KIF5B: variants seen among roughly 807,000 people sequenced by gnomAD.
The protein encoded by KIF5B is kinesin family member 5B, also known as kinesin-1 heavy chain.
A neutral mutation model predicts 132.8 loss-of-function variants in KIF5B; 49 were observed. That is an observed-to-expected ratio of 0.37 (90% CI 0.29 to 0.47). The LOEUF (loss-of-function observed/expected upper bound fraction) is 0.47, where lower values mean the gene tolerates loss of function less well. Among genes scored for constraint, KIF5B ranks in the 20% least tolerant of loss-of-function variants. The pLI is 1.00. For synonymous variants in KIF5B, 355 were observed against 369.4 expected (o/e 0.96, Z 0.45); for missense variants, 780 against 1,144.0 (o/e 0.68, Z 4.59).
chr10:32,053,893 G>A (rs1011989498), intron 1 of KIF5B, among the ~76,000 whole-genome samples: 1 of 151,986 alleles, frequency 6.6e-6, no homozygotes, highest in African/African-American at 2.4e-5. Flanking sequence ...ATTTTGAAAC[G>A]GAACTTATAA....
At chr10:32,042,983 G>A (rs933750218) in intron 2 of KIF5B, among the ~76,000 whole-genome samples, 22 of 152,006 alleles carry the variant, frequency 1.4e-4, no homozygotes, top group Non-Finnish European at 2.9e-4. Flanking sequence ...CCCCGTGCAC[G>A]GTACTATTAG....
intron 1 of KIF5B, among the ~76,000 whole-genome samples, chr10:32,049,796 T>C (rs1841665020): frequency 6.6e-6 from 1 of 151,808 alleles, no homozygotes; most frequent in Non-Finnish European, 1.5e-5. Flanking sequence ...GAGGGAGTGA[T>C]TATGTCAAAT....
At chr10:32,021,897 A>T (rs2132586123) in intron 17 of KIF5B, among the ~76,000 whole-genome samples, 1 of 152,250 alleles carries the variant, frequency 6.6e-6, no homozygotes, top group Middle Eastern at 3.4e-3. Flanking sequence ...ACTGGAACCC[A>T]GGAGGTGGAG....
intron 2 of KIF5B, among the ~76,000 whole-genome samples, chr10:32,046,203 T>C (rs932221638): frequency 6.6e-6 from 1 of 152,172 alleles, no homozygotes; most frequent in Non-Finnish European, 1.5e-5. Context: ...TATATTCAAA[T>C]TGCCCATGAA....
chr10:32,034,102 C>T, intron 11 of KIF5B, 64 bp from the exon 12 acceptor site: 1 of 1,076,296 alleles, frequency 9.3e-7, no homozygotes. Flanking sequence ...CAATTTCATT[C>T]CTTTAAAAAT....
rs1292321420 is a variant in KIF5B, at chr10:32,037,516, T to C, written c.586+4A>G. ...AATCCTAACCAGTGTTATTTTCTAC[T>C]TACTTGTAACTGCTACATGTCTGTT... On this transcript the variant is annotated splice_donor_region_variant and intron_variant, in intron 7 of 25. Transcript: ENST00000302418. 1 of 1,607,350 alleles carries C rather than the reference T, an allele frequency of 6.2e-7. No individual in the cohort carries two copies. The highest frequency in any genetic ancestry group is 8.5e-7 in the Non-Finnish European group (1 of 1,173,806).
In KIF5B at chr10:32,032,764, A is replaced by C. The variant is rs1272655332; in HGVS notation, c.1316T>G (p.Ile439Ser). 6.2e-7 allele frequency: 1 copy of C among 1,613,808 alleles called. No homozygotes were observed. The highest frequency in any genetic ancestry group is 1.3e-5 in the African/African-American group (1 of 75,042). ...CTCTACCAGTTGACTTTGCTGGTTAATTTCTTCATCCTAGAATTGTGAAGT... is the reference window on the plus strand; with the variant it reads ...CTCTACCAGTTGACTTTGCTGGTTACTTTCTTCATCCTAGAATTGTGAAGT... ...YKQLDDKDEE[I>S]NQQSQLVEKL... Residue 439 changes from isoleucine to serine, a missense_variant, in exon 13 of 26, where the codon ATT becomes AGT. Physicochemically the swap from Ile to Ser is moderately radical, Grantham distance 142. Around this residue, in one of 9 missense-constraint regions of KIF5B, gnomAD observed 471 missense variants for 569.9 expected, o/e 0.83. Coordinates refer to ENST00000302418, the MANE Select transcript of KIF5B (RefSeq NM_004521.3).
chr10:32,055,302 A>C (rs562688300), intron 1 of KIF5B, among the ~76,000 whole-genome samples: 84 of 152,270 alleles, frequency 5.5e-4, no homozygotes, highest in African/African-American at 1.9e-3. Context: ...GGTATAGATA[A>C]TATTTGTACC....
In KIF5B at chr10:32,010,555, G is replaced by C. The variant is rs1169323611; in HGVS notation, c.*982C>G. On this transcript the variant is annotated 3_prime_UTR_variant, in exon 26 of 26. Transcript: ENST00000302418. Reference sequence around the variant, plus strand: ...TCTTCATTTTTCTCAATTTCCACACGCTATAAATTTAGGTCGGCCAATAAA... The same window carrying C: ...TCTTCATTTTTCTCAATTTCCACACCCTATAAATTTAGGTCGGCCAATAAA... 1.2e-4 allele frequency: 18 copies of C among 151,868 alleles called. No homozygotes were observed. The highest frequency in any genetic ancestry group is 1.2e-3 in the Admixed American group (18 of 15,248). 9.4% of individuals were successfully genotyped at this position (151,868 alleles called of 1,614,324 possible).
chr10:32,049,818 G>A (rs1841665398), intron 1 of KIF5B, among the ~76,000 whole-genome samples: 1 of 152,076 alleles, frequency 6.6e-6, no homozygotes, highest in Non-Finnish European at 1.5e-5. Context: ...CAGTTGTGAG[G>A]CCAAGACAAA....
chr10:32,027,039 T>TGTTC (rs1841342913), intron 15 of KIF5B, among the ~76,000 whole-genome samples: 1 of 152,008 alleles, frequency 6.6e-6, no homozygotes, highest in African/African-American at 2.4e-5. Flanking sequence ...TTTAAAAATA[T>TGTTC]TTTTTCTTCA....
intron 2 of KIF5B, among the ~76,000 whole-genome samples, chr10:32,045,842 AG>A (rs1239285800): frequency 6.6e-6 from 1 of 152,216 alleles, no homozygotes; most frequent in Non-Finnish European, 1.5e-5. Context: ...ACTAAGGACT[AG>A]CCAATCGTAT....
Position 32,035,849 on chromosome 10 carries a change from C to T in KIF5B, c.816+41G>A, listed in dbSNP as rs377199686. On this transcript the variant is annotated intron_variant, in intron 9 of 25. Coordinates refer to ENST00000302418, the MANE Select transcript of KIF5B (RefSeq NM_004521.3). ...CATATACACCTATATTTAAATAATG[C>T]CCCATAAGGTAACAGGGAGATAGAA... 5 of 1,473,582 alleles carry T rather than the reference C, an allele frequency of 3.4e-6. No individual in the cohort carries two copies. In the South Asian group the frequency reaches 4.8e-5, roughly 14 times the overall value. The allele number at this position is 1,473,582 out of a possible 1,614,324, so 91.3% of individuals were successfully genotyped here.
chr10:32,045,981 A>G (rs1046654545), intron 2 of KIF5B, among the ~76,000 whole-genome samples: 1 of 152,192 alleles, frequency 6.6e-6, no homozygotes, highest in African/African-American at 2.4e-5. Flanking sequence ...AATGGTTTAG[A>G]ATCATATTTT....
intron 2 of KIF5B, among the ~76,000 whole-genome samples, chr10:32,047,571 G>A (rs959469894): frequency 6.6e-6 from 1 of 151,984 alleles, no homozygotes; most frequent in Non-Finnish European, 1.5e-5. Flanking sequence ...TGATGACTTT[G>A]CTCCCTGTAT....
intron 15 of KIF5B, among the ~76,000 whole-genome samples, chr10:32,023,484 A>T (rs1262308189): frequency 6.6e-6 from 1 of 152,242 alleles, no homozygotes; most frequent in Non-Finnish European, 1.5e-5. Context: ...AATTGTGGTC[A>T]CTGTATATTC....
At chr10:32,041,065 G>A (rs1270047691) in intron 2 of KIF5B, among the ~76,000 whole-genome samples, 1 of 149,692 alleles carries the variant, frequency 6.7e-6, no homozygotes, top group Non-Finnish European at 1.5e-5. Flanking sequence ...AAAATCGCCT[G>A]AGCCCAGGAG....
At chr10:32,012,746 CA>C in intron 25 of KIF5B, among the ~76,000 whole-genome samples, 1 of 152,222 alleles carries the variant, frequency 6.6e-6, no homozygotes, top group South Asian at 2.1e-4. Flanking sequence ...TTAAAGTTGA[CA>C]TATGAATTTT....
At position 32,021,007 on chromosome 10, in the gene KIF5B, A is replaced by G. The variant is rs772322921; in HGVS notation, c.2204+15T>C. Reference sequence around the variant, plus strand: ...ACCGATTCTTTCCTCCTAACTAGAGAAGTATAATACTTACTCTTGAAGATC... The same window carrying G: ...ACCGATTCTTTCCTCCTAACTAGAGGAGTATAATACTTACTCTTGAAGATC... On this transcript the variant is annotated intron_variant, in intron 19 of 25. Transcript: ENST00000302418. The G allele has an allele frequency of 3.6e-6, 5 of 1,389,004 alleles. No homozygotes were observed. The highest frequency in any genetic ancestry group is 4.1e-6 in the Non-Finnish European group (4 of 977,576). The allele number at this position is 1,389,004 out of a possible 1,614,324, so 86.0% of individuals were successfully genotyped here. A position where few individuals can be genotyped will look rare whatever the true frequency, so the allele number is the denominator to read the frequency against.
Sources: allele counts gnomAD v4.1 joint callset (sites outside exome capture counted in the v4.1 genomes callset), GRCh38; gene constraint gnomAD v4.1.1; regional missense constraint gnomAD v4.1.1; transcripts MANE v1.5; gene names NCBI Gene and HGNC (gene_info 2026-07-23, HGNC 2026-07-21).